RBM27: variants seen among roughly 807,000 people sequenced by gnomAD.
The protein encoded by RBM27 is RNA binding motif protein 27.
A neutral mutation model predicts 135.3 loss-of-function variants in RBM27; 22 were observed. That is an observed-to-expected ratio of 0.16 (90% CI 0.12 to 0.23). RBM27 has a LOEUF of 0.23. RBM27 is among the 10% of genes least tolerant of loss of function. The pLI, the probability that RBM27 is intolerant of heterozygous loss-of-function variation, is 1.00. For synonymous variants in RBM27, 481 were observed against 442.4 expected (o/e 1.09, Z -1.10); for missense variants, 1,009 against 1,281.0 (o/e 0.79, Z 3.24).
At chr5:146,262,596 C>T (rs1250893566) in intron 13 of RBM27, among the ~76,000 whole-genome samples, 1 of 152,190 alleles carries the variant, frequency 6.6e-6, no homozygotes, top group South Asian at 2.1e-4. Flanking sequence ...AAAAAGTATT[C>T]CTTACAGTAC....
intron 1 of RBM27, among the ~76,000 whole-genome samples, chr5:146,206,760 T>C (rs573998569): frequency 4.2e-4 from 64 of 152,112 alleles, no homozygotes; most frequent in African/African-American, 1.5e-3. Context: ...TTTTGTATTT[T>C]TAGTAGAGAC....
intron 1 of RBM27, among the ~76,000 whole-genome samples, chr5:146,208,697 C>T (rs1414562810): frequency 1.3e-5 from 2 of 152,038 alleles, no homozygotes; most frequent in African/African-American, 4.8e-5. Context: ...AGAATGTGAA[C>T]CCCTTTAAAG....
intron 1 of RBM27, among the ~76,000 whole-genome samples, chr5:146,207,450 G>C (rs1184803386): frequency 6.6e-6 from 1 of 151,432 alleles, no homozygotes; most frequent in Non-Finnish European, 1.5e-5. Context: ...TCCTGACCTT[G>C]TGATCCACCT....
At chr5:146,253,530 G>A (rs1301879794) in intron 9 of RBM27, among the ~76,000 whole-genome samples, 2 of 151,776 alleles carry the variant, frequency 1.3e-5, no homozygotes, top group Non-Finnish European at 2.9e-5. Context: ...TTTTTTGTGT[G>A]TAATTCCATG....
chr5:146,284,814 TA>T (rs1561574316), intron 20 of RBM27, 82 bp downstream of exon 20: 6 of 849,228 alleles, frequency 7.1e-6, no homozygotes, highest in Non-Finnish European at 9.1e-6. Flanking sequence ...TAGTATAAAT[TA>T]AAAAATGCTG....
chr5:146,219,065 C>A lies in RBM27; in HGVS notation c.140C>A (p.Ala47Asp). The change falls in exon 2 of 21, where the codon GCC becomes GAC. Residue 47 changes from alanine (A) to aspartate (D), a missense_variant. By Grantham distance (126) the Ala-to-Asp change is moderately radical. Around this residue, in one of 6 missense-constraint regions of RBM27, gnomAD observed 268 missense variants for 326.6 expected, o/e 0.82. Transcript: ENST00000265271. ...KKDKPEKELK[A>D]FCADQLDVFL... is the part of the protein sequence containing the mutation. Reference sequence around the variant, plus strand: ...GACAAACCTGAGAAAGAATTAAAAGCCTTTTGTGCTGATCAACTTGATGTC... The same window carrying A: ...GACAAACCTGAGAAAGAATTAAAAGACTTTTGTGCTGATCAACTTGATGTC... 1 of 1,612,926 alleles carries A rather than the reference C, an allele frequency of 6.2e-7. No individual in the cohort carries two copies. Among genetic ancestry groups the A allele is most frequent in the Non-Finnish European group, 8.5e-7 (1 of 1,179,462 alleles).
At chr5:146,222,334 A>G (rs1364542360) in intron 2 of RBM27, among the ~76,000 whole-genome samples, 1 of 152,222 alleles carries the variant, frequency 6.6e-6, no homozygotes, top group Non-Finnish European at 1.5e-5. Flanking sequence ...TGCTTTTAAT[A>G]TGCTCTTTAG....
intron 1 of RBM27, among the ~76,000 whole-genome samples, chr5:146,209,002 C>T (rs1296320922): frequency 6.6e-6 from 1 of 152,146 alleles, no homozygotes; most frequent in Non-Finnish European, 1.5e-5. Context: ...TGTGAATCGG[C>T]ATTTAATTTC....
chr5:146,206,548 G>GT (rs1755676166), intron 1 of RBM27, among the ~76,000 whole-genome samples: 1 of 123,896 alleles, frequency 8.1e-6, no homozygotes, highest in Admixed American at 8.6e-5. Context: ...CTCATTTAGG[G>GT]TAAAAAAAAA....
intron 13 of RBM27, among the ~76,000 whole-genome samples, chr5:146,262,234 C>T (rs1231508267): frequency 1.3e-5 from 2 of 152,198 alleles, no homozygotes; most frequent in Non-Finnish European, 1.5e-5. Context: ...TATTGTTATG[C>T]ACCCTAAAGT....
At chr5:146,279,981 C>T (rs1347211205) in intron 19 of RBM27, among the ~76,000 whole-genome samples, 3 of 151,960 alleles carry the variant, frequency 2.0e-5, no homozygotes, top group Non-Finnish European at 2.9e-5. Flanking sequence ...AAAATGTGAT[C>T]GTATTATACA....
chr5:146,228,923 T>A, intron 3 of RBM27, 23 bp from the exon 4 acceptor site: 1 of 1,605,230 alleles, frequency 6.2e-7, no homozygotes, highest in Non-Finnish European at 8.5e-7. Flanking sequence ...CTGCTCTTAC[T>A]TCTACTCAAT....
At chr5:146,221,848 T>C in intron 2 of RBM27, among the ~76,000 whole-genome samples, 1 of 152,166 alleles carries the variant, frequency 6.6e-6, no homozygotes, top group East Asian at 1.9e-4. Flanking sequence ...TGTGTTTATA[T>C]TGCATCTTAA....
At chr5:146,264,654 T>TAAAAAAAAAAAAAAAAAAAAGAAAA (rs1758540375) in intron 14 of RBM27, among the ~76,000 whole-genome samples, 1 of 97,904 alleles carries the variant, frequency 1.0e-5, no homozygotes, top group Non-Finnish European at 2.1e-5. Context: ...CAAAGAGAGC[T>TAAAAAAAAAAAAAAAAAAAAGAAAA]AAAAAAAAAA....
chr5:146,261,015 C>T lies in RBM27; in HGVS notation c.1893+117C>T, dbSNP rs1758373134. 3 of 979,446 alleles carry T rather than the reference C, an allele frequency of 3.1e-6. No individual in the cohort carries two copies. In the South Asian group the frequency reaches 5.2e-5, roughly 17 times the overall value. The allele number at this position is 979,446 out of a possible 1,614,324, so 60.7% of individuals were successfully genotyped here. A position where few individuals can be genotyped will look rare whatever the true frequency, so the allele number is the denominator to read the frequency against. ...TTATTCTGATCATCTCTGCTAAGTG[C>T]TGTAAATGCCACCATATATCTATAT... On this transcript the variant is annotated intron_variant, in intron 12 of 20. Transcript: ENST00000265271.
rs553411795 is a variant in RBM27, at chr5:146,287,156, G to A, written c.*1126G>A. 8 of 152,090 alleles carry A rather than the reference G, an allele frequency of 5.3e-5. No homozygotes were observed. The highest frequency in any genetic ancestry group is 1.9e-4 in the African/African-American group (8 of 41,400). The allele number at this position is 152,090 out of a possible 1,614,324, so 9.4% of individuals were successfully genotyped here. On this transcript the variant is annotated 3_prime_UTR_variant, in exon 21 of 21. Coordinates refer to ENST00000265271, the MANE Select transcript of RBM27 (RefSeq NM_018989.2). ...GGGGTGGAGGTGGGAGGGGGTTGAG[G>A]GCTGAGTATGCTAGTAATAAATGGG...
intron 8 of RBM27, 67 bp from the exon 9 acceptor site, chr5:146,251,644 C>T (rs529856724): frequency 1.4e-6 from 2 of 1,432,814 alleles, no homozygotes; most frequent in East Asian, 2.3e-5. Flanking sequence ...TCTCAGGAAA[C>T]ACATCATCAC....
At chr5:146,281,082 A>G (rs1759332944) in intron 19 of RBM27, among the ~76,000 whole-genome samples, 1 of 152,058 alleles carries the variant, frequency 6.6e-6, no homozygotes, top group South Asian at 2.1e-4. Context: ...GTTGGTCTCA[A>G]ACTCCTGACA....
At chr5:146,283,401 G>A (rs980559650) in intron 19 of RBM27, among the ~76,000 whole-genome samples, 1 of 152,132 alleles carries the variant, frequency 6.6e-6, no homozygotes, top group Admixed American at 6.5e-5. Context: ...GCCAGGTGAG[G>A]TGGTGCATGC....
Sources: gnomAD v4.1 joint callset for allele counts (sites outside exome capture counted in the v4.1 genomes callset) on GRCh38, gnomAD v4.1.1 for gene constraint, gnomAD v4.1.1 regional missense constraint, MANE v1.5 for transcripts, NCBI Gene and HGNC (gene_info 2026-07-23, HGNC 2026-07-21) for gene names.